The following ALKBH8 variants were observed in gnomAD, a reference collection of about 807,000 sequenced individuals.
ALKBH8 encodes alkB homolog 8, tRNA methyltransferase.
A neutral mutation model predicts 59.8 loss-of-function variants in ALKBH8; 36 were observed. The observed-to-expected ratio is 0.60, with a 90% CI of 0.46 to 0.79. ALKBH8 has a LOEUF of 0.79. ALKBH8 is among the 30% of genes least tolerant of loss of function. ALKBH8 has a pLI of 0.00. For synonymous variants in ALKBH8, 276 were observed against 273.6 expected (o/e 1.01, Z -0.09); for missense variants, 768 against 801.0 (o/e 0.96, Z 0.50).
At chr11:107,541,907 C>A (rs1472394898) in intron 7 of ALKBH8, among the ~76,000 whole-genome samples, 2 of 151,986 alleles carry the variant, frequency 1.3e-5, no homozygotes, top group East Asian at 1.9e-4. Context: ...AAAAAAGAGA[C>A]CCTGTAGATA....
intron 1 of ALKBH8, among the ~76,000 whole-genome samples, chr11:107,564,724 A>C (rs753092469): frequency 3.1e-4 from 47 of 152,174 alleles, no homozygotes; most frequent in Admixed American, 2.9e-3. Context: ...TTTGAATAAC[A>C]CTTACTACAT....
chr11:107,514,643 C>G (rs970069884), intron 10 of ALKBH8, among the ~76,000 whole-genome samples: 20 of 152,146 alleles, frequency 1.3e-4, no homozygotes, highest in African/African-American at 4.8e-4. Flanking sequence ...CATCAGCCAA[C>G]AGTCAGAATA....
chr11:107,528,706 G>A (rs1161037317), intron 8 of ALKBH8, among the ~76,000 whole-genome samples: 5 of 152,082 alleles, frequency 3.3e-5, no homozygotes, highest in Non-Finnish European at 7.4e-5. Flanking sequence ...AATCTCAAAT[G>A]TTTAAGAACA....
At chr11:107,533,482 T>G (rs1863681101) in intron 7 of ALKBH8, among the ~76,000 whole-genome samples, 1 of 152,166 alleles carries the variant, frequency 6.6e-6, no homozygotes, top group Non-Finnish European at 1.5e-5. Flanking sequence ...AAAGTAGTTT[T>G]CTTCCTTTCT....
chr11:107,556,629 G>T (rs1864724015), intron 3 of ALKBH8, 137 bp downstream of exon 3: 2 of 521,972 alleles, frequency 3.8e-6, no homozygotes, highest in Non-Finnish European at 6.1e-6. Flanking sequence ...GGTGCTTAAA[G>T]AATGTTTGTT....
chr11:107,559,850 T>C (rs1864866313), intron 2 of ALKBH8, among the ~76,000 whole-genome samples: 1 of 151,928 alleles, frequency 6.6e-6, no homozygotes. Flanking sequence ...AAGGCAAGAG[T>C]ATTGGTCTGA....
Position 107,503,299 on chromosome 11 carries a change from AT to A in ALKBH8, c.*1358del, listed in dbSNP as rs1193233195. The A allele has an allele frequency of 2.0e-5, 3 of 152,166 alleles. No homozygotes were observed. 9.4% of individuals were successfully genotyped at this position (152,166 alleles called of 1,614,324 possible). A position where few individuals can be genotyped will look rare whatever the true frequency, so the allele number is the denominator to read the frequency against. On this transcript the variant is annotated 3_prime_UTR_variant, in exon 12 of 12. Transcript: ENST00000428149. ...GTTGGACTGAAATTCCATGAAAAAA[AT>A]AATCATCCTCTCATCTGAGACCCAT...
At chr11:107,554,422 T>C (rs1199409160) in intron 3 of ALKBH8, among the ~76,000 whole-genome samples, 2 of 152,216 alleles carry the variant, frequency 1.3e-5, no homozygotes, top group African/African-American at 2.4e-5. Flanking sequence ...AATACAACTT[T>C]CTAAAGAAAT....
chr11:107,511,724 G>A (rs1256233800), intron 10 of ALKBH8, among the ~76,000 whole-genome samples: 3 of 151,992 alleles, frequency 2.0e-5, no homozygotes, highest in Non-Finnish European at 2.9e-5. Flanking sequence ...TTACAGGCAT[G>A]AGCCAACACG....
intron 7 of ALKBH8, among the ~76,000 whole-genome samples, chr11:107,547,183 C>A (rs1864297139): frequency 6.6e-6 from 1 of 152,298 alleles, no homozygotes; most frequent in East Asian, 1.9e-4. Flanking sequence ...CAGGAAAGTT[C>A]TTAAAACGAC....
intron 10 of ALKBH8, among the ~76,000 whole-genome samples, chr11:107,520,066 G>A (rs867184230): frequency 2.0e-5 from 3 of 152,090 alleles, no homozygotes; most frequent in African/African-American, 4.8e-5. Flanking sequence ...TTTATCCTGC[G>A]GTAAGTCCCA....
chr11:107,561,930 C>A (rs1001730860), intron 1 of ALKBH8, among the ~76,000 whole-genome samples: 2 of 152,166 alleles, frequency 1.3e-5, no homozygotes, highest in African/African-American at 4.8e-5. Context: ...AAACACTAAA[C>A]AATAAGACTA....
At chr11:107,515,738 C>A (rs1211867184) in intron 10 of ALKBH8, among the ~76,000 whole-genome samples, 1 of 152,108 alleles carries the variant, frequency 6.6e-6, no homozygotes, top group African/African-American at 2.4e-5. Context: ...AAAAAAAATT[C>A]AACCTGATAA....
chr11:107,532,590 A>G (rs1471233382), intron 7 of ALKBH8, among the ~76,000 whole-genome samples, 184 bp from the exon 8 acceptor site: 1 of 152,132 alleles, frequency 6.6e-6, no homozygotes, highest in Non-Finnish European at 1.5e-5. Flanking sequence ...CTGAATGACA[A>G]AAAAAAGGTA....
intron 8 of ALKBH8, among the ~76,000 whole-genome samples, chr11:107,531,098 T>C (rs1863575672): frequency 6.6e-6 from 1 of 151,278 alleles, no homozygotes; most frequent in Non-Finnish European, 1.5e-5. Flanking sequence ...TAAGTGCAAA[T>C]ATTTTAATGG....
intron 3 of ALKBH8, among the ~76,000 whole-genome samples, chr11:107,555,866 CTTAT>C (rs890777205): frequency 6.6e-6 from 1 of 152,176 alleles, no homozygotes; most frequent in African/African-American, 2.4e-5. Flanking sequence ...TAAAGCTATA[CTTAT>C]TTAATTAAAT....
Position 107,532,382 on chromosome 11 carries a change from C to A in ALKBH8, c.796G>T (p.Asp266Tyr), listed in dbSNP as rs749590489. The A allele has an allele frequency of 1.9e-6, 3 of 1,613,608 alleles. No homozygotes were observed. The highest frequency in any genetic ancestry group is 2.5e-6 in the Non-Finnish European group (3 of 1,179,578). ...SEIVMDFKHP[D>Y]GIAVPVMLPR... ...AACATAACTGGCACTGCAATGCCAT[C>A]TGGGTGCTTAAAATCCATGACAATC... The change falls in exon 8 of 12, where the codon GAT becomes TAT. Residue 266 changes from aspartate (D) to tyrosine (Y), a missense_variant. Asp to Tyr is a radical substitution (Grantham distance 160, BLOSUM62 -3). Coordinates refer to ENST00000428149, the MANE Select transcript of ALKBH8 (RefSeq NM_138775.3).
In ALKBH8 at chr11:107,503,062, C is replaced by T. The variant is rs1333146514; in HGVS notation, c.*1596G>A. 6.6e-6 allele frequency: 1 copy of T among 152,154 alleles called. No individual in the cohort carries two copies. The highest frequency in any genetic ancestry group is 2.4e-5 in the African/African-American group (1 of 41,438). 9.4% of individuals were successfully genotyped at this position (152,154 alleles called of 1,614,324 possible). A position where few individuals can be genotyped will look rare whatever the true frequency, so the allele number is the denominator to read the frequency against. ...TATTTTTCAACATCTTCCATTTTCT[C>T]TCCCTTCTTGAGTCAATTTTGGTAT... On this transcript the variant is annotated 3_prime_UTR_variant, in exon 12 of 12. Transcript: ENST00000428149.
At chr11:107,517,220 C>A (rs1390829220) in intron 10 of ALKBH8, among the ~76,000 whole-genome samples, 2 of 152,092 alleles carry the variant, frequency 1.3e-5, no homozygotes, top group Non-Finnish European at 2.9e-5. Context: ...GAGATTTTAC[C>A]TCACACTTGT....
Sources: gnomAD v4.1 joint callset for allele counts (sites outside exome capture counted in the v4.1 genomes callset) on GRCh38, gnomAD v4.1.1 for gene constraint, MANE v1.5 for transcripts, NCBI Gene and HGNC (gene_info 2026-07-23, HGNC 2026-07-21) for gene names.